Variants in BTD observed in about 807,000 individuals in gnomAD.
BTD encodes the protein biotinidase, also known as biocytinase.
BTD carries 13 observed loss-of-function variants against 17.7 expected under a neutral mutation model. That is an observed-to-expected ratio of 0.74 (90% confidence interval 0.48 to 1.17). The LOEUF (loss-of-function observed/expected upper bound fraction) is 1.17, where lower values mean the gene tolerates loss of function less well. Among genes scored for constraint, BTD ranks in the 50% most tolerant of loss-of-function variants. The pLI is 0.00. For synonymous variants in BTD, 240 were observed against 245.2 expected (o/e 0.98, Z 0.20); for missense variants, 674 against 650.4 (o/e 1.04, Z -0.39).
chr3:15,654,984 T>C (rs1186158123), downstream of BTD, among the ~76,000 whole-genome samples: 1 of 152,154 alleles, frequency 6.6e-6, no homozygotes, highest in Non-Finnish European at 1.5e-5. Flanking sequence ...CTGCCCGCCT[T>C]GGCCTCCCAA....
intron 1 of BTD, among the ~76,000 whole-genome samples, chr3:15,628,119 A>G (rs752966599): frequency 3.3e-5 from 5 of 152,168 alleles, no homozygotes; most frequent in Non-Finnish European, 5.9e-5. Flanking sequence ...CTCCATCTGC[A>G]TTTTTCACTC....
At chr3:15,625,913 A>G (rs1033070042) in intron 1 of BTD, among the ~76,000 whole-genome samples, 21 of 152,206 alleles carry the variant, frequency 1.4e-4, no homozygotes, top group African/African-American at 4.3e-4. Flanking sequence ...TTTGTTTATG[A>G]TTTATTTTCT....
chr3:15,718,590 TATC>T (rs2073343329), intron 4 of BTD, among the ~76,000 whole-genome samples: 1 of 151,878 alleles, frequency 6.6e-6, no homozygotes, highest in Non-Finnish European at 1.5e-5. Context: ...AGTGATTCAT[TATC>T]ATCAAATTAT....
chr3:15,712,975 T>C (rs2072519622), downstream of BTD, among the ~76,000 whole-genome samples: 1 of 152,158 alleles, frequency 6.6e-6, no homozygotes, highest in African/African-American at 2.4e-5. Flanking sequence ...TAAACATAAA[T>C]TTAAGTATGG....
chr3:15,645,071 G>T lies in BTD; in HGVS notation c.1155G>T (p.Leu385=). Residue 385 remains leucine, a synonymous_variant, in exon 4 of 4, where the codon CTG becomes CTT. Coordinates refer to ENST00000643237, the MANE Select transcript of BTD (RefSeq NM_001370658.1). ...AGATGATGTATGACAATTTCACCCTGGTCCCTGTCTGGGGAAAGGAAGGCT... is the reference window on the plus strand; with the variant it reads ...AGATGATGTATGACAATTTCACCCTTGTCCCTGTCTGGGGAAAGGAAGGCT... The part of the protein sequence containing the change: ...HSEMMYDNFT[L]VPVWGKEGYL... 1 of 1,614,196 alleles carries T rather than the reference G, an allele frequency of 6.2e-7. No homozygotes were observed. Among genetic ancestry groups the T allele is most frequent in the Non-Finnish European group, 8.5e-7 (1 of 1,180,040 alleles).
chr3:15,624,931 C>T (rs1316695236), intron 1 of BTD, among the ~76,000 whole-genome samples: 2 of 152,134 alleles, frequency 1.3e-5, no homozygotes, highest in East Asian at 3.9e-4. Context: ...CAGGGTTTTG[C>T]CATGTTGGCC....
chr3:15,607,387 G>A (rs2064489214), intron 1 of BTD, among the ~76,000 whole-genome samples: 1 of 152,214 alleles, frequency 6.6e-6, no homozygotes, highest in Non-Finnish European at 1.5e-5. Flanking sequence ...ATGAAAAAGA[G>A]CAAATTGGTG....
intron 1 of BTD, among the ~76,000 whole-genome samples, chr3:15,620,613 C>T (rs2064923630): frequency 6.6e-6 from 1 of 152,114 alleles, no homozygotes. Flanking sequence ...TCACAGTGGT[C>T]CTGAGGTGAC....
intron 3 of BTD, chr3:15,696,159 T>C (rs2069519462): frequency 6.3e-7 from 1 of 1,589,194 alleles, no homozygotes; most frequent in Non-Finnish European, 8.6e-7. Context: ...ACGGTGACCA[T>C]AAGCAGCTGA....
At chr3:15,692,227 G>T (rs999445513) in intron 3 of BTD, among the ~76,000 whole-genome samples, 7 of 151,904 alleles carry the variant, frequency 4.6e-5, no homozygotes, top group African/African-American at 1.7e-4. Context: ...AACACAGGAG[G>T]ATTACTTGAG....
At chr3:15,613,255 C>T (rs2064688158) in intron 1 of BTD, among the ~76,000 whole-genome samples, 1 of 152,306 alleles carries the variant, frequency 6.6e-6, no homozygotes, top group South Asian at 2.1e-4. Flanking sequence ...TATGCATTTT[C>T]CAATTATGCA....
chr3:15,611,978 C>T (rs2064649643), intron 1 of BTD, among the ~76,000 whole-genome samples: 2 of 150,226 alleles, frequency 1.3e-5, no homozygotes, highest in South Asian at 2.1e-4. Context: ...TTGTCTTTAC[C>T]TTTTTTTTTC....
intron 1 of BTD, among the ~76,000 whole-genome samples, chr3:15,628,448 T>A (rs2065120285): frequency 6.6e-6 from 1 of 152,246 alleles, no homozygotes; most frequent in Admixed American, 6.5e-5. Flanking sequence ...TTCCATGCAC[T>A]GGTTCTTTTT....
In BTD at chr3:15,684,715, T is replaced by TA. The variant is rs1334231457; in HGVS notation, c.400-25332dup. ...AGCCTGGGCAACATAGTGGGACTCT[T>TA]AAAAAAAAAAAAATAGTAAAAGAAC... On this transcript the variant is annotated intron_variant, in intron 3 of 3. Coordinates refer to the BTD transcript ENST00000672141. 5.0e-3 allele frequency: 655 copies of TA among 130,238 alleles called. 3 individuals are homozygous for TA. Among genetic ancestry groups the TA allele is most frequent in the African/African-American group, 0.015 (509 of 34,418 alleles). 8.1% of individuals were successfully genotyped at this position (130,238 alleles called of 1,614,324 possible).
chr3:15,658,798 T>C (rs2065895779), intron 3 of BTD, among the ~76,000 whole-genome samples: 1 of 152,234 alleles, frequency 6.6e-6, no homozygotes, highest in Admixed American at 6.5e-5. Context: ...GTCACTCTCT[T>C]TCTGCAGAAT....
rs144414845 is a variant in BTD at position 15,644,884 on chromosome 3, G to T, written c.968G>T (p.Gly323Val). 38 of 1,614,106 alleles carry T rather than the reference G, an allele frequency of 2.4e-5. No homozygotes were observed. Among genetic ancestry groups the T allele is most frequent in the South Asian group, 4.4e-5 (4 of 91,066 alleles). ...IIAQVAKNPV[G>V]LIGAENATGE... ...GCCCAGGTGGCCAAAAATCCAGTGG[G>T]TCTCATTGGTGCAGAGAATGCAACA... The change falls in exon 4 of 4, where the codon GGT becomes GTT. Residue 323 changes from glycine (G) to valine (V), a missense_variant. Physicochemically the swap from Gly to Val is moderately radical, Grantham distance 109. Transcript: ENST00000643237.
intron 3 of BTD, chr3:15,696,256 C>T: frequency 6.7e-7 from 1 of 1,492,550 alleles, no homozygotes; most frequent in East Asian, 2.3e-5. Flanking sequence ...CTATATACAA[C>T]AACAACAACA....
rs1504098 is a variant in BTD, at chr3:15,612,687, A to T, written c.-17+10793A>T. Among the ~76,000 whole-genome samples, 1,099 of 141,070 alleles carry T rather than the reference A, an allele frequency of 7.8e-3. 12 individuals carry two copies. Among genetic ancestry groups the T allele is most frequent in the African/African-American group, 0.026 (1,025 of 38,904 alleles). The allele number at this position is 141,070 out of a possible 152,430, so 92.5% of individuals were successfully genotyped here. A position where few individuals can be genotyped will look rare whatever the true frequency, so the allele number is the denominator to read the frequency against. On this transcript the variant is annotated intron_variant, in intron 1 of 3. Coordinates refer to ENST00000643237, the MANE Select transcript of BTD (RefSeq NM_001370658.1). Reference sequence around the variant, plus strand: ...TGAGTTTTCTTCAATTACATCTTTAATTTTTTTTTTTTTTGCTTCATTATA... The same window carrying T: ...TGAGTTTTCTTCAATTACATCTTTATTTTTTTTTTTTTTTGCTTCATTATA...
intron 1 of BTD, 125 bp downstream of exon 1, chr3:15,602,019 G>C: frequency 6.6e-7 from 1 of 1,504,902 alleles, no homozygotes; most frequent in Non-Finnish European, 8.9e-7. Flanking sequence ...TGGGAAGCCC[G>C]GCGCGCGTCG....
Sources: gnomAD v4.1 joint callset for allele counts (sites outside exome capture counted in the v4.1 genomes callset) on GRCh38, gnomAD v4.1.1 for gene constraint, MANE v1.5 for transcripts, NCBI Gene and HGNC (gene_info 2026-07-23, HGNC 2026-07-21) for gene names.